Variants in LSAMP observed in about 807,000 individuals in gnomAD.
The protein encoded by LSAMP is limbic system-associated membrane protein.
Under a neutral mutation model 38.6 loss-of-function variants are expected in LSAMP, and 7 were observed. The ratio of observed to expected loss-of-function variants is 0.18; its 90% CI spans 0.10 to 0.34. The LOEUF (loss-of-function observed/expected upper bound fraction) is 0.34. Ranked by LOEUF, LSAMP falls within the 10% of genes least tolerant of loss-of-function variation. The pLI is 1.00. For synonymous variants in LSAMP, 154 were observed against 166.8 expected (o/e 0.92, Z 0.59); for missense variants, 313 against 420.0 (o/e 0.75, Z 2.23).
intron 3 of LSAMP, among the ~76,000 whole-genome samples, chr3:115,895,053 A>C (rs774175259): frequency 6.2e-4 from 95 of 152,090 alleles, no homozygotes; most frequent in Non-Finnish European, 1.1e-3. Flanking sequence ...AACAAACAAA[A>C]AAAAGATGTG....
Position 115,852,428 on chromosome 3 carries a change from G to A in LSAMP, c.649+55C>T. The A allele has an allele frequency of 7.1e-6, 11 of 1,538,534 alleles. No homozygotes were observed. In the South Asian group the frequency reaches 1.4e-4, roughly 19 times the overall value. On this transcript the variant is annotated intron_variant, in intron 4 of 6. Coordinates refer to ENST00000490035, the MANE Select transcript of LSAMP (RefSeq NM_002338.5). ...GCTAATGGAATCTTTAGAGCTCACTGGAGGTAGAGGTGCACCCTGGGCACC... is the reference window on the plus strand; with the variant it reads ...GCTAATGGAATCTTTAGAGCTCACTAGAGGTAGAGGTGCACCCTGGGCACC...
intron 1 of LSAMP, among the ~76,000 whole-genome samples, chr3:116,296,723 A>T (rs926401455): frequency 1.4e-4 from 17 of 125,600 alleles, no homozygotes; most frequent in African/African-American, 4.8e-4. Context: ...AAAAAAAAAA[A>T]GAAACCCATA....
intron 3 of LSAMP, among the ~76,000 whole-genome samples, chr3:115,974,162 A>G (rs1939109594): frequency 6.6e-6 from 1 of 151,878 alleles, no homozygotes; most frequent in Non-Finnish European, 1.5e-5. Context: ...CTGGCCAACA[A>G]GGTGAAACCC....
intron 3 of LSAMP, among the ~76,000 whole-genome samples, chr3:115,880,016 C>A (rs373737738): frequency 7.7e-4 from 117 of 152,120 alleles, no homozygotes; most frequent in African/African-American, 2.8e-3. Flanking sequence ...AGCAAAGAAA[C>A]ACAAAGGTAA....
At chr3:116,417,379 T>C (rs1382923274) in intron 1 of LSAMP, among the ~76,000 whole-genome samples, 1 of 152,204 alleles carries the variant, frequency 6.6e-6, no homozygotes, top group Non-Finnish European at 1.5e-5. Context: ...GGCTATGCTG[T>C]CCATGCTGGA....
intron 3 of LSAMP, among the ~76,000 whole-genome samples, chr3:115,941,997 T>A (rs1213956285): frequency 2.7e-5 from 4 of 148,688 alleles, no homozygotes; most frequent in African/African-American, 9.8e-5. Context: ...TTAGATATTT[T>A]AAAATAAGAA....
At chr3:115,879,378 A>G (rs1162464314) in intron 3 of LSAMP, among the ~76,000 whole-genome samples, 2 of 152,196 alleles carry the variant, frequency 1.3e-5, no homozygotes, top group East Asian at 1.9e-4. Flanking sequence ...ATACTAGTAA[A>G]GAATTTCAAG....
chr3:116,212,546 A>G (rs1171202240), intron 1 of LSAMP, among the ~76,000 whole-genome samples: 1 of 112,430 alleles, frequency 8.9e-6, no homozygotes, highest in East Asian at 3.5e-4. Flanking sequence ...TTTAGAGATA[A>G]AATAAAACTT....
chr3:116,409,942 ACT>A lies in LSAMP; in HGVS notation c.155+34933_155+34934del, dbSNP rs1267189761. 3.3e-5 allele frequency among the ~76,000 whole-genome samples: 5 copies of A among 152,096 alleles called. No homozygotes were observed. The East Asian group carries it at 9.7e-4, about 29-fold the overall frequency. ...CACTACGTGTCTGCTCAGATTCCTAACTCTGCCTCCTCTGCCACGACATTTCT... is the reference window on the plus strand; with the variant it reads ...CACTACGTGTCTGCTCAGATTCCTAACTGCCTCCTCTGCCACGACATTTCT... On this transcript the variant is annotated intron_variant, in intron 1 of 6. Coordinates refer to ENST00000490035, the MANE Select transcript of LSAMP (RefSeq NM_002338.5).
chr3:115,983,917 T>C (rs979536853), intron 3 of LSAMP, among the ~76,000 whole-genome samples: 1 of 152,136 alleles, frequency 6.6e-6, no homozygotes, highest in African/African-American at 2.4e-5. Context: ...TGGGAAACTA[T>C]TGATGGCATT....
intron 1 of LSAMP, among the ~76,000 whole-genome samples, chr3:116,191,580 C>A (rs1342101067): frequency 6.6e-6 from 1 of 151,950 alleles, no homozygotes; most frequent in Non-Finnish European, 1.5e-5. Context: ...TCCCAGCCAG[C>A]TTCACTGAAT....
chr3:115,968,777 T>C (rs564325729), intron 3 of LSAMP, among the ~76,000 whole-genome samples: 105 of 152,302 alleles, frequency 6.9e-4, no homozygotes, highest in African/African-American at 2.5e-3. Flanking sequence ...TGCCAGGGAA[T>C]TGCAGTCCTT....
chr3:115,838,067 G>A (rs1934854298), intron 6 of LSAMP: 1 of 152,298 alleles, frequency 6.6e-6, no homozygotes, highest in African/African-American at 2.4e-5. Flanking sequence ...CAGAAATGGA[G>A]CAGATCAAAA....
chr3:116,050,456 G>A (rs1184885380), intron 2 of LSAMP, among the ~76,000 whole-genome samples: 4 of 151,804 alleles, frequency 2.6e-5, no homozygotes, highest in Admixed American at 1.3e-4. Context: ...CCTGCAGGGA[G>A]TCTCACCAAA....
chr3:116,384,898 T>C (rs542563606), intron 1 of LSAMP, among the ~76,000 whole-genome samples: 3 of 152,248 alleles, frequency 2.0e-5, no homozygotes, highest in African/African-American at 7.2e-5. Context: ...CTCCCTTTCT[T>C]ACCTTTCACT....
intron 1 of LSAMP, among the ~76,000 whole-genome samples, chr3:116,211,878 G>C (rs1383052786): frequency 6.6e-6 from 1 of 152,212 alleles, no homozygotes; most frequent in Non-Finnish European, 1.5e-5. Context: ...AACAAAACAT[G>C]AGGGATGGCC....
At chr3:115,988,426 T>A (rs762011606) in intron 3 of LSAMP, among the ~76,000 whole-genome samples, 4 of 152,072 alleles carry the variant, frequency 2.6e-5, no homozygotes, top group Non-Finnish European at 5.9e-5. Flanking sequence ...GGGTAGGGAA[T>A]AGAATGTCTG....
intron 3 of LSAMP, among the ~76,000 whole-genome samples, chr3:115,954,045 T>C (rs1383801905): frequency 6.6e-6 from 1 of 152,252 alleles, no homozygotes; most frequent in Non-Finnish European, 1.5e-5. Flanking sequence ...CTGTCACATA[T>C]GATGATCTGA....
chr3:115,930,904 CT>C (rs1937570337), intron 3 of LSAMP, among the ~76,000 whole-genome samples: 1 of 152,132 alleles, frequency 6.6e-6, no homozygotes, highest in Non-Finnish European at 1.5e-5. Context: ...GGCATATTTA[CT>C]TTTATTTTTT....
Sources: allele counts gnomAD v4.1 joint callset (sites outside exome capture counted in the v4.1 genomes callset), GRCh38; gene constraint gnomAD v4.1.1; transcripts MANE v1.5; gene names NCBI Gene and HGNC (gene_info 2026-07-23, HGNC 2026-07-21).